The following PTPRT variants were observed in gnomAD, a reference collection of about 807,000 sequenced individuals.
The protein encoded by PTPRT is receptor-type tyrosine-protein phosphatase T.
Under a neutral mutation model 176.8 loss-of-function variants are expected in PTPRT, and 56 were observed. That is an observed-to-expected ratio of 0.32 (90% CI 0.26 to 0.40). The LOEUF is 0.40. Ranked by LOEUF, PTPRT falls within the 10% of genes least tolerant of loss-of-function variation. The pLI, the probability that PTPRT is intolerant of heterozygous loss-of-function variation, is 1.00. For missense variants in PTPRT, 1,540 were observed against 1,908.2 expected (o/e 0.81, Z 3.60); for synonymous variants, 783 against 739.0 (o/e 1.06, Z -0.96).
At chr20:42,806,927 A>G (rs1245047629) in intron 2 of PTPRT, among the ~76,000 whole-genome samples, 3 of 152,224 alleles carry the variant, frequency 2.0e-5, no homozygotes, top group Non-Finnish European at 4.4e-5. Flanking sequence ...GATGGTGTAC[A>G]TGAAAAACCA....
chr20:42,758,512 G>A (rs2076869929), intron 5 of PTPRT, among the ~76,000 whole-genome samples: 1 of 152,158 alleles, frequency 6.6e-6, no homozygotes, highest in Non-Finnish European at 1.5e-5. Flanking sequence ...ACAGGCTCCA[G>A]GCTACAGGGA....
intron 11 of PTPRT, among the ~76,000 whole-genome samples, chr20:42,348,101 T>A (rs1455026811): frequency 1.3e-5 from 2 of 152,188 alleles, no homozygotes; most frequent in Admixed American, 1.3e-4. Context: ...TCATATAACA[T>A]CCTACTGCCC....
intron 19 of PTPRT, among the ~76,000 whole-genome samples, chr20:42,124,046 T>C (rs1188698214): frequency 6.6e-6 from 1 of 152,170 alleles, no homozygotes; most frequent in Non-Finnish European, 1.5e-5. Flanking sequence ...TGTGTGCCTG[T>C]TCCCACGCTG....
intron 9 of PTPRT, among the ~76,000 whole-genome samples, chr20:42,391,731 A>C (rs2058801657): frequency 6.6e-6 from 1 of 152,250 alleles, no homozygotes; most frequent in South Asian, 2.1e-4. Context: ...TAAATTCATC[A>C]AAATAGAAGA....
At chr20:42,671,491 T>A (rs956605004) in intron 7 of PTPRT, among the ~76,000 whole-genome samples, 4 of 152,198 alleles carry the variant, frequency 2.6e-5, no homozygotes, top group African/African-American at 7.2e-5. Flanking sequence ...CAAGAGAGTC[T>A]CTGAGATCCC....
chr20:43,083,075 C>T (rs1015566507), intron 1 of PTPRT, among the ~76,000 whole-genome samples: 11 of 151,824 alleles, frequency 7.2e-5, no homozygotes, highest in Non-Finnish European at 1.0e-4. Context: ...TCAGCTGCAG[C>T]GCCCGAATAA....
intron 5 of PTPRT, 102 bp downstream of exon 5, chr20:42,771,333 T>C: frequency 9.6e-7 from 1 of 1,040,760 alleles, no homozygotes; most frequent in Non-Finnish European, 1.5e-6. Context: ...TCTGCATGTC[T>C]TTGTTCAATA....
chr20:42,397,555 C>T (rs959313983), intron 9 of PTPRT, among the ~76,000 whole-genome samples: 2 of 152,168 alleles, frequency 1.3e-5, no homozygotes, highest in African/African-American at 4.8e-5. Flanking sequence ...AGAACATTTT[C>T]TGTTTCTGTG....
chr20:42,578,573 ATCCTTCCAGTT>A lies in PTPRT; in HGVS notation c.1153+99282_1153+99292del, dbSNP rs1376110544. Among the ~76,000 whole-genome samples, 117 of 152,074 alleles carry A rather than the reference ATCCTTCCAGTT, an allele frequency of 7.7e-4. 1 individual carries two copies. The highest frequency in any genetic ancestry group is 2.7e-3 in the African/African-American group (112 of 41,514). ...CCCCATCTCACTTGGCAGCAATCTC[ATCCTTCCAGTT>A]GCCCAGGCCTAGACTCCTCTCTTTT... On this transcript the variant is annotated intron_variant, in intron 7 of 30. Coordinates refer to ENST00000373187, the MANE Select transcript of PTPRT (RefSeq NM_007050.6).
At chr20:43,135,341 G>A (rs1023468655) in intron 1 of PTPRT, among the ~76,000 whole-genome samples, 1 of 152,140 alleles carries the variant, frequency 6.6e-6, no homozygotes, top group Non-Finnish European at 1.5e-5. Context: ...TCATGCTGTA[G>A]AAACATGTTT....
At chr20:42,424,067 CTATT>C (rs1316984997) in intron 9 of PTPRT, among the ~76,000 whole-genome samples, 7 of 152,254 alleles carry the variant, frequency 4.6e-5, no homozygotes, top group Admixed American at 3.3e-4. Flanking sequence ...CAGTAAATCT[CTATT>C]TATTTGGCAT....
intron 16 of PTPRT, among the ~76,000 whole-genome samples, chr20:42,180,802 T>A (rs1257081767): frequency 6.6e-6 from 1 of 152,212 alleles, no homozygotes; most frequent in Non-Finnish European, 1.5e-5. Context: ...TATGCCATCC[T>A]CTTACTTAGT....
At chr20:42,935,878 T>C (rs1191172555) in intron 1 of PTPRT, among the ~76,000 whole-genome samples, 1 of 152,116 alleles carries the variant, frequency 6.6e-6, no homozygotes, top group Non-Finnish European at 1.5e-5. Context: ...GCCTCCCGAG[T>C]AGCTGGGATT....
chr20:42,538,277 G>T (rs1324854226), intron 7 of PTPRT, among the ~76,000 whole-genome samples: 1 of 152,054 alleles, frequency 6.6e-6, no homozygotes, highest in Non-Finnish European at 1.5e-5. Flanking sequence ...TGCTCAGCAG[G>T]ACACCCCTCT....
chr20:42,710,337 T>C (rs1471470415), intron 6 of PTPRT, among the ~76,000 whole-genome samples: 1 of 152,042 alleles, frequency 6.6e-6, no homozygotes, highest in Non-Finnish European at 1.5e-5. Context: ...CCCAGAGGCA[T>C]AGGAGGAAAG....
the PTPRT span, among the ~76,000 whole-genome samples, chr20:42,048,935 C>T: frequency 9.4e-4 from 143 of 152,282 alleles, no homozygotes; most frequent in African/African-American, 3.4e-3. Context: ...AATTCTCCTG[C>T]CTCAGCCTCC....
chr20:43,145,942 T>G (rs1210339289), intron 1 of PTPRT, among the ~76,000 whole-genome samples: 1 of 152,232 alleles, frequency 6.6e-6, no homozygotes, highest in African/African-American at 2.4e-5. Context: ...TTATAGGACT[T>G]CGTTTTCAAT....
rs377355050 is a variant in PTPRT at position 42,728,508 on chromosome 20, T to C, written c.859+27954A>G. ...TCTCTGAAGCCACAGCCTGGCTCCTTTACTCAGCAACAGCACTAAGAGCAT... is the reference window on the plus strand; with the variant it reads ...TCTCTGAAGCCACAGCCTGGCTCCTCTACTCAGCAACAGCACTAAGAGCAT... On this transcript the variant is annotated intron_variant, in intron 6 of 30. Transcript: ENST00000373187. Among the ~76,000 whole-genome samples, 32 of 152,272 alleles carry C rather than the reference T, an allele frequency of 2.1e-4. No individual in the cohort carries two copies. The East Asian group carries it at 5.8e-3, about 28-fold the overall frequency.
chr20:42,861,464 CACTT>C (rs2078658998), intron 2 of PTPRT, among the ~76,000 whole-genome samples: 1 of 152,000 alleles, frequency 6.6e-6, no homozygotes, highest in Non-Finnish European at 1.5e-5. Flanking sequence ...ATTAACGTGA[CACTT>C]ATTCATTCAT....
Sources: gnomAD v4.1 joint callset for allele counts (sites outside exome capture counted in the v4.1 genomes callset) on GRCh38, gnomAD v4.1.1 for gene constraint, MANE v1.5 for transcripts, NCBI Gene and HGNC (gene_info 2026-07-23, HGNC 2026-07-21) for gene names.